CAMTA1: variants seen among roughly 807,000 people sequenced by gnomAD.
CAMTA1 encodes calmodulin binding transcription activator 1.
Under a neutral mutation model 170.9 loss-of-function variants are expected in CAMTA1, and 27 were observed. The observed-to-expected ratio is 0.16, with a 90% CI of 0.12 to 0.22. The LOEUF (loss-of-function observed/expected upper bound fraction) is 0.22, where lower values mean the gene tolerates loss of function less well. CAMTA1 is among the 10% of genes least tolerant of loss of function. The pLI is 1.00. For synonymous variants in CAMTA1, 833 were observed against 891.5 expected (o/e 0.93, Z 1.17); for missense variants, 1,619 against 2,217.2 (o/e 0.73, Z 5.42).
At chr1:7,705,212 G>C (rs1184480088) in intron 11 of CAMTA1, among the ~76,000 whole-genome samples, 1 of 151,252 alleles carries the variant, frequency 6.6e-6, no homozygotes, top group African/African-American at 2.4e-5. Flanking sequence ...AGTGGGGAGT[G>C]AGTGTGAGGA....
chr1:7,206,001 C>T (rs948875511), intron 4 of CAMTA1, among the ~76,000 whole-genome samples: 1 of 152,190 alleles, frequency 6.6e-6, no homozygotes, highest in East Asian at 1.9e-4. Flanking sequence ...CCACCTTTAT[C>T]GTATACTGAG....
At chr1:7,644,121 G>C (rs981840477) in intron 7 of CAMTA1, among the ~76,000 whole-genome samples, 2 of 152,140 alleles carry the variant, frequency 1.3e-5, no homozygotes. Context: ...GTGCTCCCCA[G>C]GGCTGAAGGG....
At chr1:7,537,556 C>G (rs1030372109) in intron 6 of CAMTA1, among the ~76,000 whole-genome samples, 1 of 152,216 alleles carries the variant, frequency 6.6e-6, no homozygotes, top group South Asian at 2.1e-4. Context: ...GCTGAGCCCA[C>G]GAGGCTGCCA....
chr1:6,996,982 A>G (rs1557945663), intron 3 of CAMTA1, among the ~76,000 whole-genome samples: 1 of 152,182 alleles, frequency 6.6e-6, no homozygotes, highest in Non-Finnish European at 1.5e-5. Flanking sequence ...TTCCTTTAAC[A>G]AGTATCACTG....
At position 7,455,855 on chromosome 1, in the gene CAMTA1, A is replaced by G. The variant is rs560616391; in HGVS notation, c.439-11975A>G. 2.1e-3 allele frequency among the ~76,000 whole-genome samples: 322 copies of G among 152,324 alleles called. 5 individuals carry two copies. Among genetic ancestry groups the G allele is most frequent in the African/African-American group, 7.5e-3 (311 of 41,572 alleles). Reference sequence around the variant, plus strand: ...TGGCCTCGGGGAGTGGGCTCCTGGCATCTGCATCTGCTCTCCTCTGGGAAT... The same window carrying G: ...TGGCCTCGGGGAGTGGGCTCCTGGCGTCTGCATCTGCTCTCCTCTGGGAAT... On this transcript the variant is annotated intron_variant, in intron 5 of 22. Transcript: ENST00000303635. This position sits in a 1 kb window ranked among gnomAD's most constrained non-coding sequence, Gnocchi z 5.0.
chr1:7,516,782 G>A (rs2094292786), intron 6 of CAMTA1, among the ~76,000 whole-genome samples: 1 of 152,308 alleles, frequency 6.6e-6, no homozygotes, highest in East Asian at 1.9e-4. Flanking sequence ...TCACTGGGAA[G>A]AAATGTTGCA....
chr1:6,963,180 C>T (rs368668289), intron 3 of CAMTA1, among the ~76,000 whole-genome samples: 1 of 149,980 alleles, frequency 6.7e-6, no homozygotes, highest in African/African-American at 2.4e-5. Flanking sequence ...GCCTCCATCT[C>T]TTTTGGCTCC....
chr1:6,936,065 C>T (rs1041022584), intron 3 of CAMTA1, among the ~76,000 whole-genome samples: 1 of 152,200 alleles, frequency 6.6e-6, no homozygotes. Flanking sequence ...CTTTCTCTTC[C>T]GTTAAAACCT....
At chr1:6,813,147 A>G (rs74050996) in intron 1 of CAMTA1, among the ~76,000 whole-genome samples, 5,230 of 152,276 alleles carry the variant, frequency 0.034, 181 homozygotes, top group African/African-American at 0.083. Flanking sequence ...AAGTGGTAAT[A>G]TGTGAGCACA....
intron 5 of CAMTA1, among the ~76,000 whole-genome samples, chr1:7,287,724 C>G (rs956030509): frequency 5.3e-5 from 8 of 152,188 alleles, no homozygotes; most frequent in Non-Finnish European, 1.2e-4. Flanking sequence ...CACATTGCAA[C>G]TCTTGTGAGG....
intron 6 of CAMTA1, among the ~76,000 whole-genome samples, chr1:7,502,598 G>C (rs2094025032): frequency 6.6e-6 from 1 of 152,190 alleles, no homozygotes. Flanking sequence ...TCCCAAGAAG[G>C]AGCAGGATTG....
chr1:7,653,460 G>A (rs913123455), intron 7 of CAMTA1, among the ~76,000 whole-genome samples: 4 of 152,080 alleles, frequency 2.6e-5, no homozygotes, highest in East Asian at 1.9e-4. Context: ...ACTGGGTCTC[G>A]CCATTTTGCC....
intron 4 of CAMTA1, among the ~76,000 whole-genome samples, chr1:7,127,601 C>G (rs563315540): frequency 6.6e-6 from 1 of 152,328 alleles, no homozygotes; most frequent in East Asian, 1.9e-4. Flanking sequence ...GTCATTCATT[C>G]ACCCAGTGCA....
intron 6 of CAMTA1, among the ~76,000 whole-genome samples, chr1:7,536,851 G>A (rs985283889): frequency 1.3e-5 from 2 of 152,080 alleles, no homozygotes; most frequent in African/African-American, 4.8e-5. Context: ...TACTCCCAGG[G>A]ATCCCAGCTG....
At chr1:7,145,464 T>C (rs748065074) in intron 4 of CAMTA1, among the ~76,000 whole-genome samples, 15 of 152,182 alleles carry the variant, frequency 9.9e-5, no homozygotes, top group Non-Finnish European at 1.5e-4. Flanking sequence ...GAACCTGCTC[T>C]GTAACTTCAG....
intron 11 of CAMTA1, among the ~76,000 whole-genome samples, chr1:7,723,410 A>G (rs984260291): frequency 6.6e-6 from 1 of 152,226 alleles, no homozygotes; most frequent in Non-Finnish European, 1.5e-5. Flanking sequence ...ACAGGAGTCC[A>G]TACTGATATA....
At chr1:7,639,727 C>T (rs1484243260) in intron 6 of CAMTA1, among the ~76,000 whole-genome samples, 1 of 151,654 alleles carries the variant, frequency 6.6e-6, no homozygotes, top group Non-Finnish European at 1.5e-5. Context: ...ACTGAGATCA[C>T]ACCACTGCAC....
intron 3 of CAMTA1, among the ~76,000 whole-genome samples, chr1:6,982,392 A>G (rs1358199354): frequency 6.6e-6 from 1 of 152,200 alleles, no homozygotes; most frequent in South Asian, 2.1e-4. Context: ...GCCACAGGCA[A>G]TTGGGAATCC....
At chr1:7,707,879 A>ATCTTT (rs953742267) in intron 11 of CAMTA1, among the ~76,000 whole-genome samples, 1 of 152,226 alleles carries the variant, frequency 6.6e-6, no homozygotes, top group African/African-American at 2.4e-5. Flanking sequence ...TCAAATGACC[A>ATCTTT]TCTTTTCTTT....
Sources: gnomAD v4.1 joint callset for allele counts (sites outside exome capture counted in the v4.1 genomes callset) on GRCh38, gnomAD v4.1.1 for gene constraint, Gnocchi (gnomAD v3.1) non-coding constraint, MANE v1.5 for transcripts, NCBI Gene and HGNC (gene_info 2026-07-23, HGNC 2026-07-21) for gene names.